The following PCDH9 variants were observed in gnomAD, a reference collection of about 807,000 sequenced individuals.
PCDH9 encodes protocadherin 9.
Under a neutral mutation model 70.6 loss-of-function variants are expected in PCDH9, and 24 were observed. That is an observed-to-expected ratio of 0.34 (90% confidence interval 0.25 to 0.48). The LOEUF is 0.48. PCDH9 is among the 20% of genes least tolerant of loss of function. The pLI is 0.99. For missense variants in PCDH9, 1,281 were observed against 1,503.6 expected (o/e 0.85, Z 2.45); for synonymous variants, 562 against 558.5 (o/e 1.01, Z -0.09).
intron 2 of PCDH9, among the ~76,000 whole-genome samples, chr13:67,195,560 T>C (rs1286340295): frequency 6.6e-6 from 1 of 152,196 alleles, no homozygotes; most frequent in Non-Finnish European, 1.5e-5. Flanking sequence ...TATTAGACTT[T>C]ACCAGAACTT....
At chr13:67,158,276 C>G (rs1228990032) in intron 2 of PCDH9, among the ~76,000 whole-genome samples, 1 of 152,162 alleles carries the variant, frequency 6.6e-6, no homozygotes, top group Non-Finnish European at 1.5e-5. Context: ...TATTTGATTT[C>G]ATATATCCAT....
intron 3 of PCDH9, chr13:66,886,044 C>T (rs1295110484): frequency 3.9e-5 from 6 of 152,070 alleles, no homozygotes; most frequent in African/African-American, 1.4e-4. Flanking sequence ...GATCGATTTT[C>T]ACACCACGTT....
At chr13:66,596,887 T>C (rs1042079543) in intron 4 of PCDH9, among the ~76,000 whole-genome samples, 1 of 151,504 alleles carries the variant, frequency 6.6e-6, no homozygotes, top group Non-Finnish European at 1.5e-5. Flanking sequence ...CTTTTTTTTT[T>C]TTTATTCTAA....
intron 2 of PCDH9, among the ~76,000 whole-genome samples, chr13:67,111,522 C>T (rs566165906): frequency 6.6e-6 from 1 of 152,288 alleles, no homozygotes; most frequent in South Asian, 2.1e-4. Context: ...AAAATAGTTA[C>T]TAAGTTCCTA....
intron 4 of PCDH9, among the ~76,000 whole-genome samples, chr13:66,321,667 T>C (rs758347581): frequency 3.3e-5 from 5 of 152,046 alleles, no homozygotes; most frequent in Admixed American, 6.6e-5. Context: ...TAGGTCATGT[T>C]TGTAAACATA....
At chr13:66,537,961 T>C (rs12869568) in intron 4 of PCDH9, among the ~76,000 whole-genome samples, 34,571 of 152,066 alleles carry the variant, frequency 0.23, 4,426 homozygotes, top group South Asian at 0.34. Flanking sequence ...TCCTTTTATC[T>C]TTTTATGTTT....
At chr13:67,052,187 A>C (rs767090266) in intron 2 of PCDH9, among the ~76,000 whole-genome samples, 52 of 152,118 alleles carry the variant, frequency 3.4e-4, no homozygotes, top group Non-Finnish European at 6.3e-4. Context: ...CATGAATGAT[A>C]AGGGCAAGCA....
intron 2 of PCDH9, among the ~76,000 whole-genome samples, chr13:67,073,593 G>A (rs946293508): frequency 1.8e-4 from 28 of 151,768 alleles, no homozygotes; most frequent in East Asian, 3.9e-4. Context: ...GCAATAAAAC[G>A]TATTTTCTAA....
intron 2 of PCDH9, among the ~76,000 whole-genome samples, chr13:67,155,695 C>T (rs561578483): frequency 6.6e-6 from 1 of 152,090 alleles, no homozygotes; most frequent in Admixed American, 6.5e-5. Context: ...ATATAGAGAA[C>T]ACTAAGAATT....
intron 3 of PCDH9, among the ~76,000 whole-genome samples, chr13:66,806,035 T>C (rs1357611659): frequency 1.3e-5 from 2 of 152,220 alleles, no homozygotes; most frequent in African/African-American, 2.4e-5. Flanking sequence ...AAAATATATA[T>C]GTTTTTAATA....
At chr13:66,469,048 TGTGGGAC>T (rs1958567007) in intron 4 of PCDH9, among the ~76,000 whole-genome samples, 1 of 152,166 alleles carries the variant, frequency 6.6e-6, no homozygotes, top group Admixed American at 6.6e-5. Flanking sequence ...GTTGTGTGTG[TGTGGGAC>T]CTAATCAGAA....
At chr13:67,193,718 T>G (rs1019385030) in intron 2 of PCDH9, among the ~76,000 whole-genome samples, 1 of 152,130 alleles carries the variant, frequency 6.6e-6, no homozygotes, top group African/African-American at 2.4e-5. Context: ...CAAGTAATAT[T>G]TAAAGAGAAT....
intron 2 of PCDH9, among the ~76,000 whole-genome samples, chr13:67,095,273 T>A (rs1232622790): frequency 6.6e-6 from 1 of 152,158 alleles, no homozygotes; most frequent in African/African-American, 2.4e-5. Flanking sequence ...TATATCACAA[T>A]TGAATTTATT....
chr13:66,406,467 G>A (rs557746089), intron 4 of PCDH9, among the ~76,000 whole-genome samples: 3 of 151,732 alleles, frequency 2.0e-5, no homozygotes, highest in South Asian at 4.2e-4. Flanking sequence ...TTACTGTAAC[G>A]CTTCCCATTA....
At chr13:66,917,396 T>G (rs1014058320) in intron 2 of PCDH9, among the ~76,000 whole-genome samples, 1 of 151,518 alleles carries the variant, frequency 6.6e-6, no homozygotes, top group African/African-American at 2.4e-5. Context: ...ACTCACCATA[T>G]TCTAGAAACA....
At chr13:67,082,002 G>A (rs2085994543) in intron 2 of PCDH9, among the ~76,000 whole-genome samples, 1 of 152,124 alleles carries the variant, frequency 6.6e-6, no homozygotes, top group South Asian at 2.1e-4. Flanking sequence ...ATGTACACTT[G>A]TAAAACCATC....
rs1302400572 is a variant in PCDH9 at position 66,771,360 on chromosome 13, C to T, written c.3138+132144G>A. 2.6e-5 allele frequency among the ~76,000 whole-genome samples: 4 copies of T among 152,124 alleles called. No homozygotes were observed. The East Asian group carries it at 7.7e-4, about 29-fold the overall frequency. ...CCTCCCTTCAGCCCCTCCTTCATTT[C>T]TTCCTTCCTTCTAATCTTAGATCGT... On this transcript the variant is annotated intron_variant, in intron 3 of 4. Coordinates refer to ENST00000377865, the MANE Select transcript of PCDH9 (RefSeq NM_203487.3).
intron 2 of PCDH9, among the ~76,000 whole-genome samples, chr13:66,954,864 C>T (rs1054462780): frequency 2.6e-5 from 4 of 152,298 alleles, no homozygotes; most frequent in East Asian, 1.9e-4. Context: ...CCCAGGTTCA[C>T]GCCATTCTCC....
intron 2 of PCDH9, among the ~76,000 whole-genome samples, chr13:67,188,199 G>C (rs2138009467): frequency 6.6e-6 from 1 of 152,234 alleles, no homozygotes; most frequent in East Asian, 1.9e-4. Flanking sequence ...GTATGTATGT[G>C]AGATTTCTGA....
Sources: allele counts gnomAD v4.1 joint callset (sites outside exome capture counted in the v4.1 genomes callset), GRCh38; gene constraint gnomAD v4.1.1; transcripts MANE v1.5; gene names NCBI Gene and HGNC (gene_info 2026-07-23, HGNC 2026-07-21).